The following RIPOR2 variants were observed in gnomAD, a reference collection of about 807,000 sequenced individuals.
The protein encoded by RIPOR2 is RHO family interacting cell polarization regulator 2, also known as rho family-interacting cell polarization regulator 2.
Under a neutral mutation model 114.5 loss-of-function variants are expected in RIPOR2, and 39 were observed. The ratio of observed to expected loss-of-function variants is 0.34; its 90% CI spans 0.26 to 0.44. RIPOR2 has a LOEUF of 0.44. Ranked by LOEUF, RIPOR2 falls within the 20% of genes least tolerant of loss-of-function variation. The pLI, the probability that RIPOR2 is intolerant of heterozygous loss-of-function variation, is 1.00. For missense variants in RIPOR2, 1,007 were observed against 1,255.1 expected (o/e 0.80, Z 2.99); for synonymous variants, 445 against 484.4 (o/e 0.92, Z 1.07).
At chr6:24,911,107 G>C (rs568601738) in intron 1 of RIPOR2, 3 of 396,142 alleles carry the variant, frequency 7.6e-6, no homozygotes, top group Admixed American at 6.4e-5. Flanking sequence ...GCGGCGGAGC[G>C]GGCGGAGGGG....
chr6:24,978,578 A>G (rs1774169744), intron 1 of RIPOR2, among the ~76,000 whole-genome samples: 1 of 152,130 alleles, frequency 6.6e-6, no homozygotes, highest in Non-Finnish European at 1.5e-5. Context: ...TTCCATCTTC[A>G]GAGGGTTATT....
intron 1 of RIPOR2, among the ~76,000 whole-genome samples, chr6:24,973,898 G>T (rs1369522490): frequency 6.6e-6 from 1 of 152,110 alleles, no homozygotes. Context: ...AAATCTTGGG[G>T]ACACATGGAC....
In RIPOR2 at chr6:24,950,680, A is replaced by G. The variant is rs192004011; in HGVS notation, c.77-74863T>C. The stretch of plus-strand genomic sequence containing the variant: ...AACACTTTTGAAGAGCCAGTGAGTC[A>G]AACCTGTGGAAACCTATGCCAGAAA... On this transcript the variant is annotated intron_variant, in intron 1 of 13. Coordinates refer to the RIPOR2 transcript ENST00000510784. Among the ~76,000 whole-genome samples, 3 of 152,314 alleles carry G rather than the reference A, an allele frequency of 2.0e-5. No homozygotes were observed. The East Asian group carries it at 5.8e-4, about 29-fold the overall frequency.
intron 1 of RIPOR2, among the ~76,000 whole-genome samples, chr6:25,005,032 C>T (rs988247518): frequency 2.7e-4 from 38 of 140,702 alleles, no homozygotes; most frequent in Admixed American, 7.8e-4. Flanking sequence ...CACACACACA[C>T]TCTGCTGTGT....
intron 1 of RIPOR2, among the ~76,000 whole-genome samples, chr6:25,012,097 G>T (rs1775796116): frequency 2.6e-5 from 4 of 152,142 alleles, no homozygotes; most frequent in Admixed American, 2.0e-4. Context: ...TTCTCCAAAG[G>T]AGATATGCAA....
intron 1 of RIPOR2, among the ~76,000 whole-genome samples, chr6:24,912,467 C>CTT (rs67861863): frequency 4.9e-4 from 54 of 110,354 alleles, no homozygotes; most frequent in Middle Eastern, 4.1e-3. Context: ...TGCCCCCCCC[C>CTT]TTTTTTTTTT....
At chr6:25,006,281 G>A (rs1000812386) in intron 1 of RIPOR2, among the ~76,000 whole-genome samples, 1 of 152,108 alleles carries the variant, frequency 6.6e-6, no homozygotes, top group Non-Finnish European at 1.5e-5. Context: ...CATTAATTGA[G>A]CACCTACTAT....
intron 2 of RIPOR2, among the ~76,000 whole-genome samples, chr6:24,874,895 T>G: frequency 6.6e-6 from 1 of 152,192 alleles, no homozygotes; most frequent in East Asian, 1.9e-4. Context: ...TTTCAACATC[T>G]CTAGTAGTGC....
At chr6:24,979,283 C>CTTTT (rs60372040) in intron 1 of RIPOR2, among the ~76,000 whole-genome samples, 36 of 99,392 alleles carry the variant, frequency 3.6e-4, no homozygotes, top group African/African-American at 6.9e-4. Flanking sequence ...TAGGGAAATT[C>CTTTT]TTTTTTTTTT....
chr6:24,924,544 C>T (rs949904520), intron 1 of RIPOR2, among the ~76,000 whole-genome samples: 2 of 152,126 alleles, frequency 1.3e-5, no homozygotes, highest in African/African-American at 4.8e-5. Flanking sequence ...TCTGTTCCCT[C>T]CCCAACCCAA....
At chr6:24,969,220 G>A (rs545732477) in intron 1 of RIPOR2, among the ~76,000 whole-genome samples, 1 of 152,252 alleles carries the variant, frequency 6.6e-6, no homozygotes, top group East Asian at 1.9e-4. Context: ...TGCCGTTACT[G>A]TTATTCCAGG....
chr6:24,864,133 G>A (rs1263046123), intron 7 of RIPOR2, among the ~76,000 whole-genome samples: 2 of 152,056 alleles, frequency 1.3e-5, no homozygotes, highest in Admixed American at 6.6e-5. Flanking sequence ...GTAAAACTCC[G>A]TCTCTACTAA....
chr6:24,856,844 T>C (rs771521027), intron 8 of RIPOR2, among the ~76,000 whole-genome samples: 38 of 152,192 alleles, frequency 2.5e-4, no homozygotes, highest in Non-Finnish European at 5.1e-4. Flanking sequence ...GAAAAGAAAC[T>C]GATCTGACAT....
chr6:24,886,739 A>G (rs906046365), intron 1 of RIPOR2, among the ~76,000 whole-genome samples: 1 of 152,198 alleles, frequency 6.6e-6, no homozygotes, highest in Non-Finnish European at 1.5e-5. Flanking sequence ...GTTAACTTTG[A>G]TCAGTTGGTT....
chr6:24,912,466 C>CT (rs1769719789), intron 1 of RIPOR2, among the ~76,000 whole-genome samples: 1 of 138,162 alleles, frequency 7.2e-6, no homozygotes, highest in African/African-American at 2.8e-5. Flanking sequence ...TTGCCCCCCC[C>CT]CTTTTTTTTT....
At chr6:24,852,218 T>C (rs184164242) in intron 9 of RIPOR2, among the ~76,000 whole-genome samples, 82 of 152,092 alleles carry the variant, frequency 5.4e-4, no homozygotes, top group Non-Finnish European at 9.3e-4. Context: ...GCTGAGATCA[T>C]GCCACTGCAC....
intron 1 of RIPOR2, among the ~76,000 whole-genome samples, chr6:24,952,060 C>T (rs914705243): frequency 4.6e-5 from 7 of 152,136 alleles, no homozygotes; most frequent in Non-Finnish European, 5.9e-5. Context: ...TTTTGAAATG[C>T]GATGGAGCAA....
At chr6:24,918,713 C>A (rs1210884133) in intron 1 of RIPOR2, among the ~76,000 whole-genome samples, 1 of 152,194 alleles carries the variant, frequency 6.6e-6, no homozygotes, top group Non-Finnish European at 1.5e-5. Flanking sequence ...CACTACTACT[C>A]AGGCAAAGCT....
At chr6:25,040,042 G>A (rs1347909897) in intron 1 of RIPOR2, among the ~76,000 whole-genome samples, 1 of 151,824 alleles carries the variant, frequency 6.6e-6, no homozygotes, top group African/African-American at 2.4e-5. Context: ...TATACCAGGG[G>A]CTTTTAACAC....
Sources: gnomAD v4.1 joint callset for allele counts (sites outside exome capture counted in the v4.1 genomes callset) on GRCh38, gnomAD v4.1.1 for gene constraint, MANE v1.5 for transcripts, NCBI Gene and HGNC (gene_info 2026-07-23, HGNC 2026-07-21) for gene names.